PTPN20: variants seen among roughly 807,000 people sequenced by gnomAD.
The protein encoded by PTPN20 is tyrosine-protein phosphatase non-receptor type 20.
A neutral mutation model predicts 35.0 loss-of-function variants in PTPN20; 9 were observed. The observed-to-expected ratio is 0.26, with a 90% CI of 0.15 to 0.45. The LOEUF is 0.45. Ranked by LOEUF, PTPN20 falls within the 20% of genes least tolerant of loss-of-function variation. The probability of loss-of-function intolerance (pLI) is 1.00; values close to 1 mark genes in which losing one functional copy is unlikely to be tolerated. For synonymous variants in PTPN20, 32 were observed against 100.2 expected (o/e 0.32, Z 4.06); for missense variants, 111 against 312.5 (o/e 0.36, Z 4.86).
At chr10:46,959,682 G>T (rs1589623003) in intron 5 of PTPN20, among the ~76,000 whole-genome samples, 4 of 112,870 alleles carry the variant, frequency 3.5e-5, no homozygotes, top group Admixed American at 9.0e-5. Flanking sequence ...TTTCTTTGTG[G>T]TTACCATGGG....
At chr10:46,977,218 A>C in intron 7 of PTPN20, among the ~76,000 whole-genome samples, 1 of 152,304 alleles carries the variant, frequency 6.6e-6, no homozygotes, top group South Asian at 2.1e-4. Flanking sequence ...CTTTGCACTC[A>C]AGACTACAAT....
intron 1 of PTPN20, among the ~76,000 whole-genome samples, chr10:46,922,670 G>T (rs2035752059): frequency 7.2e-6 from 1 of 138,650 alleles, no homozygotes; most frequent in African/African-American, 3.2e-5. Flanking sequence ...AGGACCAAGG[G>T]TGTGGCTGAA....
rs199969430 is a variant in PTPN20, at chr10:46,940,630, T to C, written c.42T>C (p.Asp14=). ...CCCCCCGCCTTTGTTCAGTAAACGA[T>C]TATGAGGGAAATGACTCTGAAGCAG... ...PRDFRAEPVN[D]YEGNDSEAED... The change falls in exon 3 of 11, where the codon GAT becomes GAC. Residue 14 remains aspartate (D), a synonymous_variant. Transcript: ENST00000374339. The C allele has an allele frequency of 3.1e-4, 503 of 1,610,936 alleles. 8 individuals carry two copies. The highest frequency in any genetic ancestry group is 5.5e-4 in the Admixed American group (33 of 59,952).
intron 9 of PTPN20, among the ~76,000 whole-genome samples, chr10:46,998,819 T>G (rs1555183327): frequency 7.9e-6 from 1 of 126,614 alleles, no homozygotes; most frequent in Non-Finnish European, 1.7e-5. Flanking sequence ...TATATCTGTA[T>G]TATAAAATAA....
chr10:46,920,446 T>C (rs2034699761), intron 1 of PTPN20, among the ~76,000 whole-genome samples: 2 of 148,686 alleles, frequency 1.3e-5, no homozygotes, highest in African/African-American at 5.2e-5. Context: ...AGGTAGATGT[T>C]CACACCATTA....
intron 9 of PTPN20, among the ~76,000 whole-genome samples, chr10:46,994,926 A>G (rs2058770981): frequency 6.6e-6 from 1 of 152,118 alleles, no homozygotes; most frequent in Non-Finnish European, 1.5e-5. Context: ...TTTTCAGTTC[A>G]GCTAATATAT....
intron 7 of PTPN20, chr10:46,981,267 A>C (rs1239606266): frequency 7.0e-6 from 1 of 142,164 alleles, no homozygotes; most frequent in Non-Finnish European, 1.5e-5. Context: ...TATGAATATC[A>C]GCTAGACTAT....
chr10:46,937,373 A>G (rs1490710742), intron 2 of PTPN20, among the ~76,000 whole-genome samples: 2 of 151,786 alleles, frequency 1.3e-5, no homozygotes, highest in Non-Finnish European at 2.9e-5. Context: ...CATATATTAC[A>G]TTTGTATTTT....
At chr10:47,002,922 A>C (rs1011450138), downstream of PTPN20, among the ~76,000 whole-genome samples, 2 of 152,028 alleles carry the variant, frequency 1.3e-5, no homozygotes, top group Non-Finnish European at 2.9e-5. Context: ...ATTTTTATTG[A>C]AAAACCTCAA....
At chr10:46,925,496 TG>T (rs2036934993) in intron 1 of PTPN20, among the ~76,000 whole-genome samples, 1 of 141,960 alleles carries the variant, frequency 7.0e-6, no homozygotes, top group Admixed American at 7.0e-5. Context: ...GAGGAGAACT[TG>T]CTGCTGCTGC....
intron 9 of PTPN20, among the ~76,000 whole-genome samples, chr10:46,994,712 AC>A (rs1363267316): frequency 6.6e-6 from 1 of 151,824 alleles, no homozygotes; most frequent in Non-Finnish European, 1.5e-5. Context: ...TAAGCTTCCT[AC>A]CCCTTGCTCT....
At chr10:46,983,753 A>G (rs1231153094) in intron 7 of PTPN20, among the ~76,000 whole-genome samples, 1 of 141,780 alleles carries the variant, frequency 7.1e-6, no homozygotes. Flanking sequence ...CATTAATCCT[A>G]GAATTTGTCT....
At chr10:46,925,824 T>C (rs1484720190) in intron 1 of PTPN20, among the ~76,000 whole-genome samples, 1 of 151,742 alleles carries the variant, frequency 6.6e-6, no homozygotes, top group Non-Finnish European at 1.5e-5. Flanking sequence ...AAGATCCATA[T>C]TGCCCATAGC....
chr10:46,994,825 C>T (rs2058754247), intron 9 of PTPN20, among the ~76,000 whole-genome samples: 1 of 152,076 alleles, frequency 6.6e-6, no homozygotes, highest in African/African-American at 2.4e-5. Flanking sequence ...TCTTTTTCCA[C>T]CTATGACTGC....
At chr10:46,983,226 G>A (rs2056082806) in intron 7 of PTPN20, among the ~76,000 whole-genome samples, 1 of 151,996 alleles carries the variant, frequency 6.6e-6, no homozygotes, top group Non-Finnish European at 1.5e-5. Flanking sequence ...ATAGATGTGA[G>A]CCACCGCGCC....
intron 9 of PTPN20, among the ~76,000 whole-genome samples, chr10:46,996,448 T>C (rs1233153953): frequency 6.6e-6 from 1 of 152,222 alleles, no homozygotes; most frequent in Non-Finnish European, 1.5e-5. Flanking sequence ...TCTTAAATTA[T>C]AATTAAAAAA....
intron 9 of PTPN20, among the ~76,000 whole-genome samples, chr10:46,996,556 C>T (rs2059138880): frequency 6.6e-6 from 1 of 152,104 alleles, no homozygotes; most frequent in Non-Finnish European, 1.5e-5. Flanking sequence ...TCTAACAGCT[C>T]ATCACTTAGC....
At chr10:46,960,461 T>G (rs1319612796) in intron 5 of PTPN20, among the ~76,000 whole-genome samples, 5 of 144,750 alleles carry the variant, frequency 3.5e-5, no homozygotes, top group Non-Finnish European at 6.0e-5. Flanking sequence ...CATGCTTAAT[T>G]TCTTACAATA....
At chr10:47,003,500 TATG>T (rs1311366992), downstream of PTPN20, among the ~76,000 whole-genome samples, 1 of 152,116 alleles carries the variant, frequency 6.6e-6, no homozygotes, top group Non-Finnish European at 1.5e-5. Flanking sequence ...GCAAACTTAT[TATG>T]AAGTTAAGAT....
Sources: allele counts gnomAD v4.1 joint callset (sites outside exome capture counted in the v4.1 genomes callset), GRCh38; gene constraint gnomAD v4.1.1; transcripts MANE v1.5; gene names NCBI Gene and HGNC (gene_info 2026-07-23, HGNC 2026-07-21).